Variants in PCDH15 observed in about 807,000 individuals in gnomAD.
PCDH15 encodes the protein protocadherin-15.
Under a neutral mutation model 178.5 loss-of-function variants are expected in PCDH15, and 129 were observed. That is an observed-to-expected ratio of 0.72 (90% CI 0.63 to 0.84). The LOEUF is 0.84. Ranked by LOEUF, PCDH15 falls within the 40% of genes least tolerant of loss-of-function variation. PCDH15 has a pLI of 0.00. For synonymous variants in PCDH15, 800 were observed against 732.0 expected (o/e 1.09, Z -1.50); for missense variants, 2,230 against 2,099.9 (o/e 1.06, Z -1.21).
chr10:55,553,439 A>G (rs1842035986), intron 2 of PCDH15, among the ~76,000 whole-genome samples: 1 of 151,858 alleles, frequency 6.6e-6, no homozygotes, highest in South Asian at 2.1e-4. Flanking sequence ...CTAACCCTGA[A>G]CAAAGTGGTG....
chr10:55,074,136 A>C (rs998744089), intron 2 of PCDH15, among the ~76,000 whole-genome samples: 1 of 152,050 alleles, frequency 6.6e-6, no homozygotes, highest in East Asian at 1.9e-4. Context: ...GGTTGATTCC[A>C]TGTCTTCGCT....
intron 2 of PCDH15, among the ~76,000 whole-genome samples, chr10:55,033,090 A>G (rs1450164607): frequency 6.6e-6 from 1 of 152,114 alleles, no homozygotes; most frequent in Non-Finnish European, 1.5e-5. Context: ...ATTTCAAATC[A>G]TCTCTACCTG....
Position 55,006,609 on chromosome 10 carries a change from A to G in PCDH15, c.-79-109109T>C, listed in dbSNP as rs1481439259. On this transcript the variant is annotated intron_variant, in intron 2 of 5. Coordinates refer to the PCDH15 transcript ENST00000458638. ...TAGTGAGTTTTCAAGAGGTCTGGTC[A>G]TTTAAACGTGTATGGCACCTCAACA... 2.0e-5 allele frequency among the ~76,000 whole-genome samples: 3 copies of G among 151,954 alleles called. No individual in the cohort carries two copies. The East Asian group carries it at 5.9e-4, about 30-fold the overall frequency.
At chr10:54,192,100 GAAGA>G (rs1351677059) in intron 11 of PCDH15, among the ~76,000 whole-genome samples, 1 of 92,714 alleles carries the variant, frequency 1.1e-5, no homozygotes, top group Non-Finnish European at 1.9e-5. Context: ...AGGAAGGAAG[GAAGA>G]AAGAAAAAAA....
At chr10:55,146,125 A>T (rs1205820306) in intron 2 of PCDH15, among the ~76,000 whole-genome samples, 1 of 151,986 alleles carries the variant, frequency 6.6e-6, no homozygotes, top group Non-Finnish European at 1.5e-5. Context: ...ACTAACCACT[A>T]TACCTTTTGT....
chr10:54,295,368 T>G (rs372628387), intron 8 of PCDH15, among the ~76,000 whole-genome samples: 45 of 152,082 alleles, frequency 3.0e-4, no homozygotes, highest in African/African-American at 1.0e-3. Flanking sequence ...CGGGGCCAAA[T>G]AAGGGAATAA....
chr10:54,681,433 A>C (rs573198036), intron 1 of PCDH15, among the ~76,000 whole-genome samples: 1 of 152,260 alleles, frequency 6.6e-6, no homozygotes, highest in African/African-American at 2.4e-5. Flanking sequence ...CAGAAAAATA[A>C]AGGGTATGTG....
chr10:54,747,805 C>T (rs1276731595), intron 1 of PCDH15, among the ~76,000 whole-genome samples: 1 of 122,576 alleles, frequency 8.2e-6, no homozygotes, highest in African/African-American at 3.1e-5. Flanking sequence ...TCAATGGTTA[C>T]ATTTTTTTTT....
At position 53,988,964 on chromosome 10, in the gene PCDH15, G is replaced by T. The variant is rs527271881; in HGVS notation, c.2868+6685C>A. 2.0e-5 allele frequency among the ~76,000 whole-genome samples: 3 copies of T among 152,238 alleles called. No homozygotes were observed. In the South Asian group the frequency reaches 6.2e-4, roughly 32 times the overall value. On this transcript the variant is annotated intron_variant, in intron 21 of 37. Transcript: ENST00000644397. The stretch of plus-strand genomic sequence containing the variant: ...TCAAAGAAAATTCGGAGAGACTTTG[G>T]CACTGTCACAAGGTCAAACATCTAT...
At chr10:53,930,002 T>C (rs1263149827) in intron 25 of PCDH15, among the ~76,000 whole-genome samples, 1 of 152,178 alleles carries the variant, frequency 6.6e-6, no homozygotes, top group Non-Finnish European at 1.5e-5. Context: ...AATATTAACA[T>C]AAGCTTCTAT....
At chr10:54,896,067 A>G (rs912959106) in intron 3 of PCDH15, among the ~76,000 whole-genome samples, 5 of 152,036 alleles carry the variant, frequency 3.3e-5, no homozygotes, top group Admixed American at 6.5e-5. Flanking sequence ...TTGTATTTTT[A>G]ATAGAGACAG....
chr10:54,176,095 A>C (rs1031999499), intron 13 of PCDH15, among the ~76,000 whole-genome samples: 1 of 152,210 alleles, frequency 6.6e-6, no homozygotes, highest in African/African-American at 2.4e-5. Flanking sequence ...TCTTACGCCA[A>C]ATAGAACATA....
At chr10:54,306,902 C>T (rs541143431) in intron 8 of PCDH15, among the ~76,000 whole-genome samples, 3 of 149,480 alleles carry the variant, frequency 2.0e-5, no homozygotes, top group East Asian at 2.0e-4. Context: ...GCTCCTAATT[C>T]CTTTAAAAAG....
intron 2 of PCDH15, among the ~76,000 whole-genome samples, chr10:55,604,608 A>G (rs1465243189): frequency 2.0e-5 from 3 of 148,536 alleles, no homozygotes; most frequent in Admixed American, 6.8e-5. Context: ...AAACCGCTCA[A>G]CTACATGGAA....
rs1365545175 is a variant in PCDH15, at chr10:55,606,947, A to G, written c.-156+20678T>C. ...CTGCACAGCAAAAGAAACTACCATC[A>G]GAGTGAACAGGCAACCTACAAAATG... On this transcript the variant is annotated intron_variant, in intron 2 of 5. Transcript: ENST00000613346. 6.1e-5 allele frequency among the ~76,000 whole-genome samples: 9 copies of G among 148,128 alleles called. No individual in the cohort carries two copies. The East Asian group carries it at 8.0e-4, about 13-fold the overall frequency.
intron 2 of PCDH15, among the ~76,000 whole-genome samples, chr10:55,586,238 G>T (rs2132126189): frequency 6.6e-6 from 1 of 152,012 alleles, no homozygotes; most frequent in Non-Finnish European, 1.5e-5. Flanking sequence ...GGCAAAGCTG[G>T]TTTTTAAACT....
chr10:54,613,500 C>CAT (rs1434655716), intron 2 of PCDH15, among the ~76,000 whole-genome samples: 18 of 139,560 alleles, frequency 1.3e-4, no homozygotes, highest in African/African-American at 5.2e-4. Context: ...CTCTCACACA[C>CAT]ACATACACAC....
intron 2 of PCDH15, among the ~76,000 whole-genome samples, chr10:54,967,680 T>C (rs982052727): frequency 1.3e-5 from 2 of 152,174 alleles, no homozygotes; most frequent in Non-Finnish European, 1.5e-5. Context: ...AACCTTCCTA[T>C]ATAAGCTGTG....
chr10:54,772,738 C>A (rs936519680), intron 1 of PCDH15, among the ~76,000 whole-genome samples: 1 of 152,020 alleles, frequency 6.6e-6, no homozygotes, highest in Non-Finnish European at 1.5e-5. Flanking sequence ...GCAGAAATAC[C>A]ATTTGACTCA....
Sources: allele counts gnomAD v4.1 joint callset (sites outside exome capture counted in the v4.1 genomes callset), GRCh38; gene constraint gnomAD v4.1.1; transcripts MANE v1.5; gene names NCBI Gene and HGNC (gene_info 2026-07-23, HGNC 2026-07-21).